Variants in DSCAM observed in about 807,000 individuals in gnomAD.
DSCAM encodes the protein DS cell adhesion molecule, also known as cell adhesion molecule DSCAM.
Under a neutral mutation model 217.7 loss-of-function variants are expected in DSCAM, and 47 were observed. The ratio of observed to expected loss-of-function variants is 0.22; its 90% CI spans 0.17 to 0.28. The LOEUF (loss-of-function observed/expected upper bound fraction) is 0.28. Among genes scored for constraint, DSCAM ranks in the 10% least tolerant of loss-of-function variants. The probability of loss-of-function intolerance (pLI) is 1.00; values close to 1 mark genes in which losing one functional copy is unlikely to be tolerated. For missense variants in DSCAM, 2,080 were observed against 2,618.3 expected, an observed-to-expected ratio of 0.79 and a Z score of 4.49; for synonymous variants, 1,056 against 1,015.3, an observed-to-expected ratio of 1.04 and a Z score of -0.76.
chr21:40,672,472 G>GAC (rs1293362102), intron 3 of DSCAM, among the ~76,000 whole-genome samples: 36 of 152,054 alleles, frequency 2.4e-4, no homozygotes, highest in Non-Finnish European at 5.3e-4. Context: ...AGTGAAGTCA[G>GAC]TGATAAGTCT....
chr21:40,759,175 T>C (rs1019390224), intron 1 of DSCAM, among the ~76,000 whole-genome samples: 1 of 152,036 alleles, frequency 6.6e-6, no homozygotes, highest in Non-Finnish European at 1.5e-5. Context: ...TCTCTTGGCA[T>C]TGAGTCTCCC....
intron 18 of DSCAM, among the ~76,000 whole-genome samples, chr21:40,134,451 ATTG>A (rs2090186818): frequency 6.6e-6 from 1 of 152,126 alleles, no homozygotes; most frequent in African/African-American, 2.4e-5. Flanking sequence ...GAGGGGTTTT[ATTG>A]TTATTTTAAA....
chr21:40,388,425 G>A (rs530572611), intron 3 of DSCAM, among the ~76,000 whole-genome samples: 101 of 152,250 alleles, frequency 6.6e-4, no homozygotes, highest in Admixed American at 7.2e-4. Context: ...GTATGAGGTA[G>A]GTCAGCGTGC....
chr21:40,035,781 C>A (rs2146458309), intron 32 of DSCAM, among the ~76,000 whole-genome samples: 1 of 147,786 alleles, frequency 6.8e-6, no homozygotes, highest in East Asian at 2.0e-4. Flanking sequence ...CTCTCCTCAG[C>A]AAATGTAAAA....
intron 3 of DSCAM, among the ~76,000 whole-genome samples, chr21:40,592,001 C>T (rs2076987694): frequency 6.6e-6 from 1 of 152,128 alleles, no homozygotes; most frequent in Non-Finnish European, 1.5e-5. Flanking sequence ...TTCTGGCATT[C>T]AGAATTGCTA....
intron 26 of DSCAM, among the ~76,000 whole-genome samples, chr21:40,075,578 C>T (rs1051199205): frequency 1.3e-5 from 2 of 152,130 alleles, no homozygotes; most frequent in Admixed American, 6.5e-5. Context: ...AGAGACTATT[C>T]GAAAAAATTG....
At chr21:40,185,435 GCC>G (rs2090883177) in intron 14 of DSCAM, among the ~76,000 whole-genome samples, 1 of 152,200 alleles carries the variant, frequency 6.6e-6, no homozygotes, top group Non-Finnish European at 1.5e-5. Flanking sequence ...AAATCACTGA[GCC>G]CAGGCCTGCC....
chr21:40,597,951 TAACTA>T (rs2077034322), intron 3 of DSCAM, among the ~76,000 whole-genome samples: 1 of 152,224 alleles, frequency 6.6e-6, no homozygotes, highest in East Asian at 1.9e-4. Context: ...AATTTGCTGT[TAACTA>T]AAGGCCGCGA....
chr21:40,222,092 G>T (rs1021194968), intron 11 of DSCAM, among the ~76,000 whole-genome samples: 1 of 152,208 alleles, frequency 6.6e-6, no homozygotes, highest in Non-Finnish European at 1.5e-5. Flanking sequence ...AAACAACTGA[G>T]AGTGTTTGTT....
intron 3 of DSCAM, among the ~76,000 whole-genome samples, chr21:40,533,734 T>C (rs796715174): frequency 9.7e-5 from 10 of 103,048 alleles, no homozygotes; most frequent in East Asian, 3.4e-4. Context: ...CCCACCCATC[T>C]ATCCATCCAT....
intron 3 of DSCAM, among the ~76,000 whole-genome samples, chr21:40,482,775 G>A (rs1315173511): frequency 1.3e-5 from 2 of 152,122 alleles, no homozygotes; most frequent in Non-Finnish European, 2.9e-5. Context: ...ATTTCAGCAA[G>A]ACAATTTATA....
At chr21:40,251,851 TTC>T in intron 11 of DSCAM, among the ~76,000 whole-genome samples, 1 of 152,344 alleles carries the variant, frequency 6.6e-6, no homozygotes, top group East Asian at 1.9e-4. Flanking sequence ...TTTCTTTTCT[TTC>T]TTTTTTTTAA....
chr21:40,465,572 G>A (rs542218967), intron 3 of DSCAM, among the ~76,000 whole-genome samples: 20 of 152,294 alleles, frequency 1.3e-4, no homozygotes, highest in African/African-American at 4.1e-4. Flanking sequence ...CACCCGTGGC[G>A]TGCAGGCCAC....
intron 3 of DSCAM, among the ~76,000 whole-genome samples, chr21:40,617,712 T>G (rs984986454): frequency 1.3e-5 from 2 of 152,236 alleles, no homozygotes; most frequent in Non-Finnish European, 2.9e-5. Context: ...GTTGAAACTG[T>G]CTGCTGACAT....
At chr21:40,292,600 T>C (rs1014321424) in intron 10 of DSCAM, among the ~76,000 whole-genome samples, 2 of 152,020 alleles carry the variant, frequency 1.3e-5, no homozygotes, top group African/African-American at 4.8e-5. Context: ...TGCTGGCAAA[T>C]TGTCAATACA....
chr21:40,364,988 AAAT>A (rs2074816398), intron 4 of DSCAM, among the ~76,000 whole-genome samples: 1 of 150,558 alleles, frequency 6.6e-6, no homozygotes, highest in African/African-American at 2.4e-5. Flanking sequence ...ATAAAAATAA[AAAT>A]AACATAAACA....
intron 3 of DSCAM, among the ~76,000 whole-genome samples, chr21:40,462,958 T>C (rs1001058823): frequency 6.6e-6 from 1 of 152,192 alleles, no homozygotes; most frequent in Non-Finnish European, 1.5e-5. Flanking sequence ...TTTTATTCCA[T>C]ATAGTTCAAA....
chr21:40,732,114 A>C lies in DSCAM; in HGVS notation c.44-23343T>G, dbSNP rs114136977. ...GGCTTCAACATAGTTTTTGGGGGATACCATTCAACCCCTAACAGAGGGAAA... is the reference window on the plus strand; with the variant it reads ...GGCTTCAACATAGTTTTTGGGGGATCCCATTCAACCCCTAACAGAGGGAAA... On this transcript the variant is annotated intron_variant, in intron 1 of 32. Transcript: ENST00000400454. Among the ~76,000 whole-genome samples the C allele has an allele frequency of 1.2e-3, 186 of 152,314 alleles. 1 individual carries two copies. The highest frequency in any genetic ancestry group is 4.4e-3 in the African/African-American group (183 of 41,568).
intron 8 of DSCAM, among the ~76,000 whole-genome samples, chr21:40,325,430 A>G (rs1422591660): frequency 2.6e-5 from 4 of 152,240 alleles, no homozygotes; most frequent in Non-Finnish European, 5.9e-5. Flanking sequence ...GAACAAATAC[A>G]GAAAAAAATA....
Sources: gnomAD v4.1 joint callset for allele counts (sites outside exome capture counted in the v4.1 genomes callset) on GRCh38, gnomAD v4.1.1 for gene constraint, MANE v1.5 for transcripts, NCBI Gene and HGNC (gene_info 2026-07-23, HGNC 2026-07-21) for gene names.